OPCML: variants seen among roughly 807,000 people sequenced by gnomAD.
OPCML encodes the protein opioid binding protein/cell adhesion molecule like, also known as opioid-binding protein/cell adhesion molecule.
Under a neutral mutation model 37.8 loss-of-function variants are expected in OPCML, and 13 were observed. The observed-to-expected ratio is 0.34, with a 90% CI of 0.22 to 0.55. The LOEUF (loss-of-function observed/expected upper bound fraction) is 0.55, where lower values mean the gene tolerates loss of function less well. Among genes scored for constraint, OPCML ranks in the 20% least tolerant of loss-of-function variants. The pLI is 0.91. For synonymous variants in OPCML, 176 were observed against 168.8 expected (o/e 1.04, Z -0.33); for missense variants, 341 against 435.6 (o/e 0.78, Z 1.93).
chr11:133,246,025 C>T (rs1291162329), intron 1 of OPCML, among the ~76,000 whole-genome samples: 1 of 150,112 alleles, frequency 6.7e-6, no homozygotes, highest in African/African-American at 2.5e-5. Context: ...GGCTTAAAAC[C>T]TAGATAATGG....
chr11:133,057,088 C>T (rs1176860115), intron 1 of OPCML, among the ~76,000 whole-genome samples: 3 of 152,216 alleles, frequency 2.0e-5, no homozygotes, highest in Non-Finnish European at 2.9e-5. Context: ...AGGTTATCCA[C>T]CCGCCTTGGC....
At chr11:132,565,797 C>T (rs746743600) in intron 3 of OPCML, among the ~76,000 whole-genome samples, 1 of 152,214 alleles carries the variant, frequency 6.6e-6, no homozygotes, top group South Asian at 2.1e-4. Flanking sequence ...TTTTGGGAGG[C>T]TGGGGCAGTC....
At chr11:132,430,754 C>G (rs902811317) in intron 7 of OPCML, among the ~76,000 whole-genome samples, 1 of 152,198 alleles carries the variant, frequency 6.6e-6, no homozygotes, top group Admixed American at 6.5e-5. Flanking sequence ...TGCAGTCTCC[C>G]CCCTCCGTCT....
intron 1 of OPCML, among the ~76,000 whole-genome samples, chr11:133,382,087 C>T (rs892140005): frequency 6.6e-6 from 1 of 152,228 alleles, no homozygotes. Flanking sequence ...CATTTGCCTC[C>T]AGCTGCCAAC....
intron 2 of OPCML, among the ~76,000 whole-genome samples, chr11:132,799,081 C>T (rs762237393): frequency 9.9e-5 from 15 of 152,156 alleles, no homozygotes; most frequent in Non-Finnish European, 2.1e-4. Context: ...CTTGTGGTCA[C>T]CAGCTGCATT....
At chr11:132,537,689 G>A (rs1456104187) in intron 3 of OPCML, among the ~76,000 whole-genome samples, 8 of 152,152 alleles carry the variant, frequency 5.3e-5, no homozygotes, top group South Asian at 4.1e-4. Flanking sequence ...ATCTAATAAC[G>A]GACTACTGTC....
intron 1 of OPCML, among the ~76,000 whole-genome samples, chr11:133,226,408 A>G (rs1288168738): frequency 6.6e-6 from 1 of 152,220 alleles, no homozygotes; most frequent in African/African-American, 2.4e-5. Flanking sequence ...ACCCAGTCAA[A>G]TGCTGATGGT....
intron 3 of OPCML, among the ~76,000 whole-genome samples, chr11:132,621,966 A>G (rs1482727616): frequency 1.3e-5 from 2 of 152,194 alleles, no homozygotes; most frequent in African/African-American, 4.8e-5. Flanking sequence ...CTGGTTTCCA[A>G]TTATTGAAAT....
At chr11:132,781,847 G>A in intron 2 of OPCML, among the ~76,000 whole-genome samples, 1 of 150,518 alleles carries the variant, frequency 6.6e-6, no homozygotes, top group East Asian at 2.0e-4. Context: ...AACACCCTCA[G>A]AGACCAGACA....
rs181222294 is a variant in OPCML, at chr11:133,348,296, T to C, written c.61+183968A>G. Among the ~76,000 whole-genome samples, 5 of 152,342 alleles carry C rather than the reference T, an allele frequency of 3.3e-5. No homozygotes were observed. The East Asian group carries it at 7.7e-4, about 24-fold the overall frequency. On this transcript the variant is annotated intron_variant, in intron 1 of 7. Transcript: ENST00000524381. Reference sequence around the variant, plus strand: ...AATCTCATCTAGCATATCTCAGCTGTGAGCTGCTTGCGGGCAAGGACTGTG... The same window carrying C: ...AATCTCATCTAGCATATCTCAGCTGCGAGCTGCTTGCGGGCAAGGACTGTG...
intron 1 of OPCML, among the ~76,000 whole-genome samples, chr11:133,215,550 A>G (rs922162991): frequency 1.3e-5 from 2 of 152,156 alleles, no homozygotes; most frequent in African/African-American, 4.8e-5. Flanking sequence ...ACATGTTTTT[A>G]TACCTTTAGA....
chr11:133,410,174 C>A (rs2136864344), intron 1 of OPCML, among the ~76,000 whole-genome samples: 1 of 152,294 alleles, frequency 6.6e-6, no homozygotes, highest in African/African-American at 2.4e-5. Context: ...ATATTTCCAG[C>A]TACCCCACCA....
In OPCML at chr11:132,893,326, G is replaced by A. The variant is rs1383875396; in HGVS notation, c.146+49600C>T. ...CCAGCATGGCTAAGCCATCATCCTC[G>A]GGAAATACAGACGCTTGACCATGGC... On this transcript the variant is annotated intron_variant, in intron 2 of 7. Transcript: ENST00000524381. 5.3e-5 allele frequency among the ~76,000 whole-genome samples: 8 copies of A among 152,178 alleles called. No homozygotes were observed. In the East Asian group the frequency reaches 9.6e-4, roughly 18 times the overall value.
At chr11:132,604,252 T>C (rs1938123303) in intron 3 of OPCML, among the ~76,000 whole-genome samples, 1 of 150,782 alleles carries the variant, frequency 6.6e-6, no homozygotes, top group Non-Finnish European at 1.5e-5. Context: ...GGAACCAAAT[T>C]ATCCCTTGCT....
intron 1 of OPCML, among the ~76,000 whole-genome samples, chr11:133,195,133 T>C (rs141109267): frequency 8.7e-4 from 132 of 152,348 alleles, no homozygotes; most frequent in African/African-American, 3.0e-3. Context: ...GCTTAATATA[T>C]ACTTATTGAA....
At chr11:133,068,344 C>T (rs1948472150) in intron 1 of OPCML, among the ~76,000 whole-genome samples, 1 of 152,212 alleles carries the variant, frequency 6.6e-6, no homozygotes, top group African/African-American at 2.4e-5. Flanking sequence ...AGAACATCCT[C>T]ATTCACTAGA....
chr11:132,446,781 A>AT (rs1044434211), intron 4 of OPCML, among the ~76,000 whole-genome samples: 3 of 152,054 alleles, frequency 2.0e-5, no homozygotes, highest in East Asian at 3.9e-4. Context: ...AAACGACAGC[A>AT]TTTTTTTTAG....
intron 2 of OPCML, among the ~76,000 whole-genome samples, chr11:132,810,432 A>G (rs1462081244): frequency 5.3e-5 from 8 of 152,088 alleles, no homozygotes; most frequent in Admixed American, 5.2e-4. Context: ...CAGGCAGGGC[A>G]CGGTGGCTCA....
chr11:133,205,408 TC>T lies in OPCML; in HGVS notation c.62-262399del, dbSNP rs1261732590. 3.3e-5 allele frequency among the ~76,000 whole-genome samples: 5 copies of T among 152,148 alleles called. No individual in the cohort carries two copies. Among genetic ancestry groups the T allele is most frequent in the African/African-American group, 1.2e-4 (5 of 41,430 alleles). On this transcript the variant is annotated intron_variant, in intron 1 of 7. Transcript: ENST00000524381. The surrounding 1 kb of genome is among the most constrained non-coding windows in gnomAD (Gnocchi z 4.8). ...TAAAGTGTTTCCCTGAGTTCTGTGATCCACTCTAGTAAATGAATTAAACCTG... is the reference window on the plus strand; with the variant it reads ...TAAAGTGTTTCCCTGAGTTCTGTGATCACTCTAGTAAATGAATTAAACCTG...
Sources: gnomAD v4.1 joint callset for allele counts (sites outside exome capture counted in the v4.1 genomes callset) on GRCh38, gnomAD v4.1.1 for gene constraint, Gnocchi (gnomAD v3.1) non-coding constraint, MANE v1.5 for transcripts, NCBI Gene and HGNC (gene_info 2026-07-23, HGNC 2026-07-21) for gene names.